PGM5: variants seen among roughly 807,000 people sequenced by gnomAD.
The protein encoded by PGM5 is phosphoglucomutase-like protein 5.
Under a neutral mutation model 59.2 loss-of-function variants are expected in PGM5, and 23 were observed. That is an observed-to-expected ratio of 0.39 (90% CI 0.28 to 0.55). The LOEUF is 0.55. Among genes scored for constraint, PGM5 ranks in the 20% least tolerant of loss-of-function variants. The pLI is 0.66. For missense variants in PGM5, 574 were observed against 748.3 expected (o/e 0.77, Z 2.72); for synonymous variants, 214 against 286.0 (o/e 0.75, Z 2.54).
intron 2 of PGM5, among the ~76,000 whole-genome samples, chr9:68,381,186 A>G (rs1173727691): frequency 6.6e-6 from 1 of 151,986 alleles, no homozygotes; most frequent in South Asian, 2.1e-4. Flanking sequence ...ACCAAATTCA[A>G]CAACACATTA....
intron 1 of PGM5, among the ~76,000 whole-genome samples, chr9:68,368,241 A>G (rs1554676860): frequency 6.6e-6 from 1 of 150,572 alleles, no homozygotes; most frequent in Non-Finnish European, 1.5e-5. Flanking sequence ...CTATGTTTCT[A>G]TGGCAATAAA....
At chr9:68,481,663 T>G (rs1824198500) in intron 8 of PGM5, among the ~76,000 whole-genome samples, 1 of 152,242 alleles carries the variant, frequency 6.6e-6, no homozygotes, top group Non-Finnish European at 1.5e-5. Context: ...GTATTTATAA[T>G]GTAGTTTATT....
chr9:68,449,971 G>T (rs1224534666), intron 6 of PGM5, among the ~76,000 whole-genome samples: 2 of 152,132 alleles, frequency 1.3e-5, no homozygotes, highest in African/African-American at 4.8e-5. Context: ...ATGTCCAGGG[G>T]AGGCAAGAGT....
intron 6 of PGM5, among the ~76,000 whole-genome samples, chr9:68,444,159 T>A (rs1412711443): frequency 1.3e-5 from 2 of 152,018 alleles, no homozygotes; most frequent in African/African-American, 4.8e-5. Flanking sequence ...TGGGGTGTTT[T>A]GGGATCAAAG....
At chr9:68,462,778 AC>A (rs565413980) in intron 6 of PGM5, among the ~76,000 whole-genome samples, 2 of 152,128 alleles carry the variant, frequency 1.3e-5, no homozygotes, top group South Asian at 4.2e-4. Context: ...ATTAACTTTG[AC>A]CCAGGCTTGA....
chr9:68,424,959 T>C (rs1823209410), intron 6 of PGM5, among the ~76,000 whole-genome samples: 1 of 152,178 alleles, frequency 6.6e-6, no homozygotes, highest in African/African-American at 2.4e-5. Context: ...GAAATTCATA[T>C]AATTATATGA....
intron 6 of PGM5, among the ~76,000 whole-genome samples, chr9:68,401,469 C>T (rs1483219742): frequency 2.0e-5 from 3 of 152,122 alleles, no homozygotes; most frequent in African/African-American, 7.2e-5. Flanking sequence ...TATTTTCAGC[C>T]CTCCCAACGA....
intron 6 of PGM5, among the ~76,000 whole-genome samples, chr9:68,460,036 A>G (rs1392581721): frequency 6.6e-6 from 1 of 152,144 alleles, no homozygotes; most frequent in Non-Finnish European, 1.5e-5. Flanking sequence ...CTTGGCTCTT[A>G]AGAAAGTGGA....
At position 68,519,897 on chromosome 9, in the gene PGM5, C is replaced by CAATAAATAAATA. The variant is rs58819780; in HGVS notation, c.1615-9639_1615-9628dup. ...GCAACATAAGGAGACCTTGTCTTTA[C>CAATAAATAAATA]AATAAATAAATAAATAAATAAATAA... On this transcript the variant is annotated intron_variant, in intron 10 of 10. Transcript: ENST00000396396. Among the ~76,000 whole-genome samples the CAATAAATAAATA allele has an allele frequency of 9.6e-3, 1,343 of 139,836 alleles. 10 individuals are homozygous for CAATAAATAAATA. Among genetic ancestry groups the CAATAAATAAATA allele is most frequent in the Middle Eastern group, 0.014 (4 of 286 alleles). The allele number at this position is 139,836 out of a possible 152,430, so 91.7% of individuals were successfully genotyped here.
chr9:68,513,516 AG>A (rs782315436), intron 10 of PGM5, among the ~76,000 whole-genome samples: 1 of 152,230 alleles, frequency 6.6e-6, no homozygotes, highest in African/African-American at 2.4e-5. Context: ...TTACAAAGAA[AG>A]GGAAGCAAAC....
At chr9:68,519,908 T>TAAATAAAC (rs2132118400) in intron 10 of PGM5, among the ~76,000 whole-genome samples, 1 of 147,600 alleles carries the variant, frequency 6.8e-6, no homozygotes, top group East Asian at 2.0e-4. Flanking sequence ...AATAAATAAA[T>TAAATAAAC]AAATAAATAA....
intron 1 of PGM5, among the ~76,000 whole-genome samples, chr9:68,370,057 A>AC (rs1347515806): frequency 2.6e-5 from 4 of 151,718 alleles, no homozygotes; most frequent in Admixed American, 6.6e-5. Context: ...TTTAACCGAG[A>AC]AGACAGGAAA....
intron 6 of PGM5, 152 bp downstream of exon 6, chr9:68,392,625 G>A: frequency 3.8e-6 from 5 of 1,329,904 alleles, no homozygotes; most frequent in Non-Finnish European, 4.9e-6. Context: ...AGAAGCTGGA[G>A]AATCAGGTGG....
At chr9:68,361,374 T>C (rs1554676257) in intron 1 of PGM5, among the ~76,000 whole-genome samples, 1 of 152,264 alleles carries the variant, frequency 6.6e-6, no homozygotes, top group Admixed American at 6.5e-5. Flanking sequence ...TCTGGAATTT[T>C]CTGGTTGCTT....
intron 7 of PGM5, among the ~76,000 whole-genome samples, chr9:68,474,694 G>A (rs782100884): frequency 7.2e-5 from 11 of 151,808 alleles, no homozygotes; most frequent in African/African-American, 1.9e-4. Flanking sequence ...GTAAGATTGC[G>A]TGGGCTTTGG....
chr9:68,525,832 A>G lies in PGM5; in HGVS notation c.1615-3735A>G, dbSNP rs542339838. The stretch of plus-strand genomic sequence containing the variant: ...AGCACTTTGGGAGGCCGAGGCGGGC[A>G]AATCACGAGGTCAGGAGATCAAGAC... On this transcript the variant is annotated intron_variant, in intron 10 of 10. Coordinates refer to ENST00000396396, the MANE Select transcript of PGM5 (RefSeq NM_021965.4). Among the ~76,000 whole-genome samples, 1,135 of 152,274 alleles carry G rather than the reference A, an allele frequency of 7.5e-3. 5 individuals carry two copies. The highest frequency in any genetic ancestry group is 0.014 in the Middle Eastern group (4 of 294).
intron 6 of PGM5, among the ~76,000 whole-genome samples, chr9:68,457,285 C>T (rs1378199599): frequency 6.6e-6 from 1 of 152,132 alleles, no homozygotes; most frequent in Non-Finnish European, 1.5e-5. Flanking sequence ...TTTATTCCCC[C>T]CTCATAGAAC....
At chr9:68,466,263 A>C in intron 7 of PGM5, 1 of 957,394 alleles carries the variant, frequency 1.0e-6, no homozygotes, top group Non-Finnish European at 1.3e-6. Flanking sequence ...CTTCTCCGAT[A>C]CTGTGTGTTT....
At chr9:68,395,108 C>T (rs1171267005) in intron 6 of PGM5, among the ~76,000 whole-genome samples, 4 of 152,146 alleles carry the variant, frequency 2.6e-5, no homozygotes, top group Non-Finnish European at 5.9e-5. Flanking sequence ...AGAGTCATTG[C>T]AGTTTCAACT....
Sources: allele counts gnomAD v4.1 joint callset (sites outside exome capture counted in the v4.1 genomes callset), GRCh38; gene constraint gnomAD v4.1.1; transcripts MANE v1.5; gene names NCBI Gene and HGNC (gene_info 2026-07-23, HGNC 2026-07-21).